SUGCT: variants seen among roughly 807,000 people sequenced by gnomAD.
The protein encoded by SUGCT is succinyl-CoA:glutarate-CoA transferase, also known as succinyl-CoA:glutarate CoA-transferase.
A neutral mutation model predicts 55.0 loss-of-function variants in SUGCT; 41 were observed. The observed-to-expected ratio is 0.74, with a 90% CI of 0.58 to 0.97. SUGCT has a LOEUF of 0.97. SUGCT is among the 50% of genes least tolerant of loss of function. SUGCT has a pLI of 0.00. For synonymous variants in SUGCT, 187 were observed against 200.4 expected, an observed-to-expected ratio of 0.93 and a Z score of 0.56; for missense variants, 568 against 547.8, an observed-to-expected ratio of 1.04 and a Z score of -0.37.
intron 12 of SUGCT, among the ~76,000 whole-genome samples, chr7:40,597,541 G>A (rs1166341404): frequency 6.6e-6 from 1 of 152,122 alleles, no homozygotes; most frequent in Non-Finnish European, 1.5e-5. Context: ...AATGTGGCAG[G>A]ATTCACTTTC....
intron 13 of SUGCT, among the ~76,000 whole-genome samples, chr7:40,760,379 C>A (rs1788471962): frequency 6.6e-6 from 1 of 152,010 alleles, no homozygotes; most frequent in African/African-American, 2.4e-5. Context: ...ATATAAGGTA[C>A]TTAGAGTAGT....
chr7:40,208,910 G>A (rs1787165025), intron 6 of SUGCT, among the ~76,000 whole-genome samples: 1 of 152,126 alleles, frequency 6.6e-6, no homozygotes, highest in African/African-American at 2.4e-5. Context: ...TCAATCTGCT[G>A]CAATTAGTAC....
intron 13 of SUGCT, among the ~76,000 whole-genome samples, chr7:40,847,469 T>C (rs1442277778): frequency 6.9e-6 from 1 of 144,048 alleles, no homozygotes; most frequent in East Asian, 2.1e-4. Context: ...CATGCTGGAG[T>C]GCAGTGGTGC....
chr7:40,994,973 G>C, the SUGCT span, among the ~76,000 whole-genome samples: 11 of 152,160 alleles, frequency 7.2e-5, no homozygotes, highest in Non-Finnish European at 1.5e-4. Flanking sequence ...TGTACAGCCT[G>C]CGGAACTGTG....
At chr7:40,913,097 G>C in the SUGCT span, among the ~76,000 whole-genome samples, 4 of 145,358 alleles carry the variant, frequency 2.8e-5, no homozygotes, top group African/African-American at 7.8e-5. Context: ...TGCAACCTCT[G>C]CCTCCCGGGT....
intron 9 of SUGCT, among the ~76,000 whole-genome samples, chr7:40,445,950 A>C (rs1788808156): frequency 6.6e-6 from 1 of 152,004 alleles, no homozygotes; most frequent in African/African-American, 2.4e-5. Flanking sequence ...TTGACTAGTT[A>C]CCTTTGCATA....
chr7:40,487,337 C>T (rs1265336777), intron 11 of SUGCT, among the ~76,000 whole-genome samples: 2 of 145,372 alleles, frequency 1.4e-5, no homozygotes, highest in East Asian at 4.2e-4. Context: ...GAACTCCTGA[C>T]CACATGAGAT....
intron 9 of SUGCT, among the ~76,000 whole-genome samples, chr7:40,337,522 T>C (rs1796783315): frequency 6.6e-6 from 1 of 152,230 alleles, no homozygotes; most frequent in African/African-American, 2.4e-5. Context: ...TTGTCTCTTT[T>C]GATCTTTGTT....
chr7:40,614,163 G>T (rs76729377), intron 12 of SUGCT, among the ~76,000 whole-genome samples: 3,418 of 151,380 alleles, frequency 0.023, 125 homozygotes, highest in African/African-American at 0.08. Flanking sequence ...AATTGACTTT[G>T]AAGAATGTTT....
intron 12 of SUGCT, among the ~76,000 whole-genome samples, chr7:40,689,648 A>G (rs1784604627): frequency 6.6e-6 from 1 of 152,152 alleles, no homozygotes; most frequent in African/African-American, 2.4e-5. Flanking sequence ...AAATGAGATG[A>G]AACCATGGCT....
chr7:40,378,119 T>C (rs1784694997), intron 9 of SUGCT, among the ~76,000 whole-genome samples: 1 of 49,414 alleles, frequency 2.0e-5, no homozygotes, highest in Non-Finnish European at 7.4e-5. Context: ...AGGATATTTT[T>C]TTTTTCCAAA....
At chr7:40,185,141 A>G (rs1785428320) in intron 3 of SUGCT, among the ~76,000 whole-genome samples, 1 of 152,188 alleles carries the variant, frequency 6.6e-6, no homozygotes, top group Non-Finnish European at 1.5e-5. Flanking sequence ...GCTTTTAGTC[A>G]TTGTTGGATA....
chr7:40,754,444 C>G (rs974300655), intron 13 of SUGCT, among the ~76,000 whole-genome samples: 1 of 152,172 alleles, frequency 6.6e-6, no homozygotes, highest in Non-Finnish European at 1.5e-5. Context: ...CTCCCCTGCC[C>G]CCGACAACTA....
intron 8 of SUGCT, among the ~76,000 whole-genome samples, chr7:40,277,751 A>G (rs1792629017): frequency 6.6e-6 from 1 of 151,452 alleles, no homozygotes; most frequent in African/African-American, 2.4e-5. Flanking sequence ...GGTTAGCTAC[A>G]CATGTATACA....
chr7:40,832,285 C>T (rs1584505703), intron 13 of SUGCT, among the ~76,000 whole-genome samples: 1 of 152,102 alleles, frequency 6.6e-6, no homozygotes, highest in Non-Finnish European at 1.5e-5. Context: ...CCTTATTTTC[C>T]TTTAATGTTA....
chr7:40,147,810 G>A (rs1200459764), intron 1 of SUGCT, among the ~76,000 whole-genome samples: 1 of 152,256 alleles, frequency 6.6e-6, no homozygotes, highest in Non-Finnish European at 1.5e-5. Context: ...GTAATCACAG[G>A]AGACCCCCCA....
intron 13 of SUGCT, among the ~76,000 whole-genome samples, chr7:40,854,015 G>GTTAT (rs1234749552): frequency 6.6e-6 from 1 of 152,156 alleles, no homozygotes; most frequent in Admixed American, 6.5e-5. Context: ...AATGCACAAG[G>GTTAT]TTATATGTGC....
intron 11 of SUGCT, among the ~76,000 whole-genome samples, chr7:40,491,430 G>A (rs1192795722): frequency 6.6e-6 from 1 of 152,146 alleles, no homozygotes; most frequent in African/African-American, 2.4e-5. Flanking sequence ...GTGAGTTCTG[G>A]CAAGTGAGGA....
intron 13 of SUGCT, among the ~76,000 whole-genome samples, chr7:40,798,459 A>G (rs1260123724): frequency 2.0e-5 from 3 of 152,352 alleles, no homozygotes; most frequent in Middle Eastern, 3.4e-3. Context: ...TAGAACATCA[A>G]TATATTGAGA....
Sources: gnomAD v4.1 joint callset for allele counts (sites outside exome capture counted in the v4.1 genomes callset) on GRCh38, gnomAD v4.1.1 for gene constraint, MANE v1.5 for transcripts, NCBI Gene and HGNC (gene_info 2026-07-23, HGNC 2026-07-21) for gene names.